The following FOXJ3 variants were observed in gnomAD, a reference collection of about 807,000 sequenced individuals.
The protein encoded by FOXJ3 is forkhead box J3.
FOXJ3 carries 22 observed loss-of-function variants against 76.1 expected under a neutral mutation model. The ratio of observed to expected loss-of-function variants is 0.29; its 90% CI spans 0.21 to 0.41. The LOEUF is 0.41. Among genes scored for constraint, FOXJ3 ranks in the 10% least tolerant of loss-of-function variants. FOXJ3 has a pLI of 1.00. For synonymous variants in FOXJ3, 269 were observed against 261.2 expected, an observed-to-expected ratio of 1.03 and a Z score of -0.29; for missense variants, 613 against 762.1, an observed-to-expected ratio of 0.80 and a Z score of 2.30.
intron 4 of FOXJ3, among the ~76,000 whole-genome samples, chr1:42,260,257 A>C (rs1650932860): frequency 6.6e-6 from 1 of 152,208 alleles, no homozygotes. Flanking sequence ...GAAAATGACC[A>C]AAATGGGATA....
intron 2 of FOXJ3, among the ~76,000 whole-genome samples, chr1:42,296,854 T>C (rs748348924): frequency 2.0e-5 from 3 of 152,248 alleles, no homozygotes; most frequent in Non-Finnish European, 2.9e-5. Flanking sequence ...TGTTAGTAAT[T>C]TGAAAGGAAT....
intron 2 of FOXJ3, among the ~76,000 whole-genome samples, chr1:42,285,366 C>T (rs531239190): frequency 2.7e-5 from 4 of 150,894 alleles, no homozygotes; most frequent in African/African-American, 9.7e-5. Context: ...GGCACCAAAA[C>T]AAGGCATCCC....
At chr1:42,189,991 T>A (rs946321803) in intron 9 of FOXJ3, among the ~76,000 whole-genome samples, 2 of 151,920 alleles carry the variant, frequency 1.3e-5, no homozygotes, top group African/African-American at 4.8e-5. Flanking sequence ...TTTAACATAG[T>A]CCCCCTGCCA....
intron 8 of FOXJ3, among the ~76,000 whole-genome samples, chr1:42,193,452 T>C (rs1286348863): frequency 6.6e-6 from 1 of 151,790 alleles, no homozygotes; most frequent in Non-Finnish European, 1.5e-5. Flanking sequence ...GCTTCAGAAA[T>C]TGTCATCATT....
intron 2 of FOXJ3, among the ~76,000 whole-genome samples, chr1:42,297,241 C>A (rs1653846583): frequency 6.6e-6 from 1 of 152,162 alleles, no homozygotes; most frequent in Non-Finnish European, 1.5e-5. Flanking sequence ...TTCCTCTTTT[C>A]CAATTTGGAT....
chr1:42,244,709 A>T (rs1417772065), intron 4 of FOXJ3, among the ~76,000 whole-genome samples: 1 of 152,160 alleles, frequency 6.6e-6, no homozygotes, highest in Non-Finnish European at 1.5e-5. Context: ...AAGAAGATGT[A>T]ACAACTGACA....
At chr1:42,197,807 C>G (rs1371031982) in intron 7 of FOXJ3, among the ~76,000 whole-genome samples, 3 of 151,962 alleles carry the variant, frequency 2.0e-5, no homozygotes, top group African/African-American at 7.2e-5. Flanking sequence ...CAATGCCTGG[C>G]TGTTTCATTT....
chr1:42,193,630 C>T (rs1423726419), intron 8 of FOXJ3, among the ~76,000 whole-genome samples: 1 of 152,142 alleles, frequency 6.6e-6, no homozygotes, highest in Non-Finnish European at 1.5e-5. Context: ...CCATTTCACA[C>T]ACACAACATC....
intron 1 of FOXJ3, among the ~76,000 whole-genome samples, chr1:42,314,593 G>C (rs958656534): frequency 1.3e-5 from 2 of 152,162 alleles, no homozygotes; most frequent in Non-Finnish European, 2.9e-5. Flanking sequence ...GATTCTACAA[G>C]GCAATGATCT....
chr1:42,314,208 A>C (rs1431004277), intron 1 of FOXJ3, among the ~76,000 whole-genome samples: 1 of 152,160 alleles, frequency 6.6e-6, no homozygotes, highest in Non-Finnish European at 1.5e-5. Flanking sequence ...TGGTTAGTAC[A>C]TAGAGCTAAC....
At chr1:42,302,113 T>C (rs1465650454) in intron 2 of FOXJ3, among the ~76,000 whole-genome samples, 1 of 152,190 alleles carries the variant, frequency 6.6e-6, no homozygotes, top group African/African-American at 2.4e-5. Context: ...TCCCAAATGC[T>C]GGTTATATCA....
At position 42,262,063 on chromosome 1, in the gene FOXJ3, A is replaced by G. The variant is rs1467992394; in HGVS notation, c.444+3052T>C. Among the ~76,000 whole-genome samples the G allele has an allele frequency of 1.3e-5, 2 of 152,058 alleles. 1 individual carries two copies. Among genetic ancestry groups the G allele is most frequent in the African/African-American group, 4.8e-5 (2 of 41,406 alleles). On this transcript the variant is annotated intron_variant, in intron 4 of 12. Transcript: ENST00000361346. ...GGGTGACGGGGTGAACACCAGGCCT[A>G]CTCTCTCTGTTAAGTGTTACTCAGC... is the stretch of plus-strand genomic sequence containing the variant.
chr1:42,317,925 G>GA (rs1655217339), intron 1 of FOXJ3, among the ~76,000 whole-genome samples: 1 of 152,052 alleles, frequency 6.6e-6, no homozygotes, highest in African/African-American at 2.4e-5. Flanking sequence ...CATCTGATAT[G>GA]ATTTTTATTT....
chr1:42,335,308 T>C (rs867203013), upstream of FOXJ3: 6 of 151,930 alleles, frequency 3.9e-5, no homozygotes, highest in Non-Finnish European at 7.4e-5. Flanking sequence ...CGGCCCGGCG[T>C]CAGCGGCGTC....
intron 5 of FOXJ3, among the ~76,000 whole-genome samples, chr1:42,213,064 C>A (rs1646997730): frequency 6.7e-6 from 1 of 149,916 alleles, no homozygotes; most frequent in South Asian, 2.1e-4. Context: ...GGCCTGCCTA[C>A]AAGAAATGCT....
chr1:42,189,581 G>A, intron 9 of FOXJ3, 177 bp from the exon 10 acceptor site: 1 of 503,516 alleles, frequency 2.0e-6, no homozygotes, highest in Non-Finnish European at 3.6e-6. Context: ...AGGCAGAAAG[G>A]TATTATTTCT....
rs1041556924 is a variant in FOXJ3 at position 42,196,468 on chromosome 1, G to A, written c.760-1404C>T. 3.9e-5 allele frequency among the ~76,000 whole-genome samples: 6 copies of A among 152,226 alleles called. No homozygotes were observed. In the East Asian group the frequency reaches 5.8e-4, roughly 15 times the overall value. On this transcript the variant is annotated intron_variant, in intron 7 of 12. Coordinates refer to ENST00000361346, the MANE Select transcript of FOXJ3 (RefSeq NM_014947.5). ...AGCACTTTAAGAGGCCGAGGCGGGC[G>A]GATCACCTGAAGTCAGAAGTTCGAG...
intron 1 of FOXJ3, among the ~76,000 whole-genome samples, chr1:42,331,306 T>C (rs1223639696): frequency 6.6e-6 from 1 of 151,942 alleles, no homozygotes; most frequent in East Asian, 1.9e-4. Context: ...CGCTTGAACC[T>C]GGGAGGCAGA....
At chr1:42,211,411 G>C (rs1455787638) in intron 5 of FOXJ3, among the ~76,000 whole-genome samples, 1 of 151,962 alleles carries the variant, frequency 6.6e-6, no homozygotes, top group Non-Finnish European at 1.5e-5. Context: ...ACTGGGAGGT[G>C]ACTGTTTTCC....
Sources: allele counts gnomAD v4.1 joint callset (sites outside exome capture counted in the v4.1 genomes callset), GRCh38; gene constraint gnomAD v4.1.1; transcripts MANE v1.5; gene names NCBI Gene and HGNC (gene_info 2026-07-23, HGNC 2026-07-21).